NFASC: variants seen among roughly 807,000 people sequenced by gnomAD.
The protein encoded by NFASC is neurofascin, also known as neurofascin homolog.
A neutral mutation model predicts 147.5 loss-of-function variants in NFASC; 43 were observed. That is an observed-to-expected ratio of 0.29 (90% CI 0.23 to 0.38). The LOEUF (loss-of-function observed/expected upper bound fraction) is 0.38. Ranked by LOEUF, NFASC falls within the 10% of genes least tolerant of loss-of-function variation. NFASC has a pLI of 1.00. For synonymous variants in NFASC, 622 were observed against 665.5 expected, an observed-to-expected ratio of 0.93 and a Z score of 1.01; for missense variants, 1,320 against 1,689.0, an observed-to-expected ratio of 0.78 and a Z score of 3.83.
At position 204,830,657 on chromosome 1, in the gene NFASC, TAGAGAGAGAG is replaced by T. The variant is rs10671660; in HGVS notation, c.-200+1887_-200+1896del. ...GTGTGTGTGTTGTGTGATGTGTGTA[TAGAGAGAGAG>T]AGAGAGAGAGAATTATGCCAGTAAG... On this transcript the variant is annotated intron_variant, in intron 1 of 29. Coordinates refer to ENST00000339876, the MANE Select transcript of NFASC (RefSeq NM_001005388.3). Among the ~76,000 whole-genome samples the T allele has an allele frequency of 0.019, 2,752 of 147,186 alleles. 184 individuals carry two copies. The East Asian group carries it at 0.21, about 11-fold the overall frequency.
At chr1:204,844,653 A>G (rs1676426531) in intron 1 of NFASC, among the ~76,000 whole-genome samples, 1 of 152,074 alleles carries the variant, frequency 6.6e-6, no homozygotes, top group Admixed American at 6.6e-5. Context: ...GGCTGAGGCA[A>G]GCAGATCACT....
chr1:205,005,746 G>A (rs550313686), intron 27 of NFASC, among the ~76,000 whole-genome samples: 31 of 152,186 alleles, frequency 2.0e-4, no homozygotes, highest in Non-Finnish European at 3.8e-4. Context: ...ATGGGATGTG[G>A]TTGAGCCCAC....
At chr1:204,997,768 A>T in intron 25 of NFASC, 1 of 387,592 alleles carries the variant, frequency 2.6e-6, no homozygotes, top group Non-Finnish European at 4.9e-6. Context: ...CAGTCAGCTC[A>T]GAGCCGAGCA....
chr1:204,915,527 G>T (rs1044772145), intron 1 of NFASC, among the ~76,000 whole-genome samples: 7 of 152,144 alleles, frequency 4.6e-5, no homozygotes, highest in Non-Finnish European at 1.0e-4. Context: ...TGTGCGACAG[G>T]TTTGAGAGGA....
At chr1:204,941,228 T>A (rs2802827) in intron 2 of NFASC, among the ~76,000 whole-genome samples, 82,769 of 151,954 alleles carry the variant, frequency 0.54, 23,194 homozygotes, top group Middle Eastern at 0.65. Flanking sequence ...ATTGGATGAA[T>A]CTAGTGTTCT....
intron 1 of NFASC, among the ~76,000 whole-genome samples, chr1:204,861,780 C>T (rs946594862): frequency 1.1e-4 from 16 of 152,356 alleles, no homozygotes; most frequent in African/African-American, 3.8e-4. Context: ...TGAGCCACCG[C>T]ACCCGGCCTC....
intron 1 of NFASC, among the ~76,000 whole-genome samples, chr1:204,898,901 G>C (rs1421050042): frequency 6.6e-6 from 1 of 152,198 alleles, no homozygotes; most frequent in African/African-American, 2.4e-5. Flanking sequence ...GGAGATAGGA[G>C]CCCTCAGGTT....
intron 2 of NFASC, among the ~76,000 whole-genome samples, chr1:204,937,924 G>T (rs2093012676): frequency 6.6e-6 from 1 of 152,202 alleles, no homozygotes; most frequent in Admixed American, 6.5e-5. Flanking sequence ...CATCCAGTCG[G>T]CTATGTGAAT....
intron 21 of NFASC, among the ~76,000 whole-genome samples, chr1:204,983,165 C>G (rs755586127): frequency 5.9e-5 from 9 of 152,170 alleles, no homozygotes; most frequent in Non-Finnish European, 1.3e-4. Context: ...CTGCGGCCCA[C>G]GCTCTGATGG....
At chr1:204,977,436 G>A (rs1273899806) in intron 16 of NFASC, among the ~76,000 whole-genome samples, 2 of 152,168 alleles carry the variant, frequency 1.3e-5, no homozygotes, top group Non-Finnish European at 2.9e-5. Flanking sequence ...CAGAGAGGGT[G>A]GGCCCAGACA....
chr1:204,857,625 A>T (rs1229710287), intron 1 of NFASC, among the ~76,000 whole-genome samples: 1 of 152,288 alleles, frequency 6.6e-6, no homozygotes, highest in Non-Finnish European at 1.5e-5. Flanking sequence ...GGATGTTTTC[A>T]GTCCTGCTTG....
chr1:204,995,707 G>C (rs1419890385), intron 24 of NFASC, among the ~76,000 whole-genome samples: 1 of 152,112 alleles, frequency 6.6e-6, no homozygotes, highest in African/African-American at 2.4e-5. Context: ...TCCAAAGAGG[G>C]ACTTGTAATT....
In NFASC at chr1:204,954,993, T is replaced by C; in HGVS notation, c.535+42T>C. The C allele has an allele frequency of 6.4e-7, 1 of 1,571,102 alleles. No individual in the cohort carries two copies. On this transcript the variant is annotated intron_variant, in intron 7 of 29. Transcript: ENST00000339876. This position sits in a 1 kb window ranked among gnomAD's most constrained non-coding sequence, Gnocchi z 5.7. ...TGGTGTTGTGTTTATATCTTAACCT[T>C]AGGGGGTGGGGTGGGTGTGTTAAGT...
intron 21 of NFASC, chr1:204,984,176 C>A: frequency 6.9e-7 from 1 of 1,446,578 alleles, no homozygotes. Context: ...ACCTAACTAC[C>A]CAGCTCACTA....
chr1:204,904,053 A>T (rs1011456212), intron 1 of NFASC, among the ~76,000 whole-genome samples: 6 of 152,172 alleles, frequency 3.9e-5, no homozygotes, highest in Admixed American at 3.9e-4. Context: ...AAGTTATTTA[A>T]CATCGCTAGG....
At chr1:204,830,006 GGTGTGTGTGTGTGTGTGTGTGT>G (rs58294218) in intron 1 of NFASC, among the ~76,000 whole-genome samples, 13 of 144,100 alleles carry the variant, frequency 9.0e-5, no homozygotes, top group African/African-American at 2.6e-4. Flanking sequence ...TTTGGCATGG[GGTGTGTGTGTGTGTGTGTGTGT>G]GTGTGTGTGT....
At chr1:204,861,652 G>T (rs548498858) in intron 1 of NFASC, among the ~76,000 whole-genome samples, 7 of 152,192 alleles carry the variant, frequency 4.6e-5, no homozygotes, top group Admixed American at 4.6e-4. Context: ...ACCACGCCCG[G>T]CTAATTTTTT....
intron 1 of NFASC, among the ~76,000 whole-genome samples, chr1:204,869,205 T>A (rs1257925360): frequency 1.3e-5 from 2 of 152,152 alleles, no homozygotes; most frequent in Admixed American, 6.5e-5. Flanking sequence ...AATAGTGGGA[T>A]GTGGTGGTTG....
intron 21 of NFASC, among the ~76,000 whole-genome samples, chr1:204,983,757 G>A (rs1043855757): frequency 3.3e-5 from 5 of 152,182 alleles, no homozygotes; most frequent in African/African-American, 9.7e-5. Context: ...ACAAAACGAA[G>A]GGGCTGATGG....
Sources: allele counts gnomAD v4.1 joint callset (sites outside exome capture counted in the v4.1 genomes callset), GRCh38; gene constraint gnomAD v4.1.1; non-coding constraint Gnocchi (gnomAD v3.1); transcripts MANE v1.5; gene names NCBI Gene and HGNC (gene_info 2026-07-23, HGNC 2026-07-21).